Variants in HVCN1 observed in about 807,000 individuals in gnomAD.
HVCN1 encodes the protein voltage-gated hydrogen channel 1.
A neutral mutation model predicts 29.2 loss-of-function variants in HVCN1; 14 were observed. That is an observed-to-expected ratio of 0.48 (90% CI 0.32 to 0.75). The LOEUF is 0.75. Among genes scored for constraint, HVCN1 ranks in the 30% least tolerant of loss-of-function variants. The pLI, the probability that HVCN1 is intolerant of heterozygous loss-of-function variation, is 0.04. For missense variants in HVCN1, 263 were observed against 341.8 expected (o/e 0.77, Z 1.82); for synonymous variants, 131 against 133.2 (o/e 0.98, Z 0.11).
chr12:110,649,239 G>T lies in HVCN1; in HGVS notation c.*171C>A. 1 of 676,382 alleles carries T rather than the reference G, an allele frequency of 1.5e-6. No homozygotes were observed. The highest frequency in any genetic ancestry group is 2.7e-6 in the Non-Finnish European group (1 of 371,216). 41.9% of individuals were successfully genotyped at this position (676,382 alleles called of 1,614,324 possible). A position where few individuals can be genotyped will look rare whatever the true frequency, so the allele number is the denominator to read the frequency against. On this transcript the variant is annotated 3_prime_UTR_variant, in exon 8 of 8. Transcript: ENST00000242607. The stretch of plus-strand genomic sequence containing the variant: ...GGGAGTGGATGGGCAGCTCTTGGTG[G>T]TACTGGACCTTCCACAAGGCTGTGT...
At chr12:110,677,149 A>T (rs1179748023) in intron 3 of HVCN1, among the ~76,000 whole-genome samples, 1 of 151,976 alleles carries the variant, frequency 6.6e-6, no homozygotes, top group African/African-American at 2.4e-5. Context: ...AGGCTGCAGT[A>T]AGCTGTGATC....
intron 2 of HVCN1, among the ~76,000 whole-genome samples, chr12:110,685,873 G>C (rs892597109): frequency 9.9e-5 from 15 of 151,958 alleles, no homozygotes; most frequent in Middle Eastern, 3.2e-3. Context: ...TAGAAAGGGG[G>C]GTCTCACTAT....
intron 1 of HVCN1, among the ~76,000 whole-genome samples, chr12:110,704,599 C>T (rs987426409): frequency 3.3e-5 from 5 of 152,082 alleles, no homozygotes; most frequent in Non-Finnish European, 5.9e-5. Flanking sequence ...TGGAAGCTGC[C>T]GTGAACTATG....
upstream of HVCN1, chr12:110,689,529 TCCCA>T (rs2069352351): frequency 6.5e-6 from 1 of 153,028 alleles, no homozygotes; most frequent in South Asian, 2.1e-4. The surrounding 1 kb of genome is among the most constrained non-coding windows in gnomAD (Gnocchi z 5.7). Context: ...TTCTGCTCCA[TCCCA>T]CCGTCTCCGG....
intron 3 of HVCN1, among the ~76,000 whole-genome samples, chr12:110,679,796 T>C (rs11065692): frequency 0.32 from 48,123 of 149,432 alleles, 8,957 homozygotes; most frequent in East Asian, 0.53. Flanking sequence ...GAGCTTGCAG[T>C]GAGCCGAGAT....
At position 110,648,690 on chromosome 12, in the gene HVCN1, G is replaced by GC. The variant is rs1249992489; in HGVS notation, c.*719dup. The GC allele has an allele frequency of 1.9e-5, 4 of 215,990 alleles. No homozygotes were observed. The highest frequency in any genetic ancestry group is 3.7e-5 in the Non-Finnish European group (4 of 109,072). 13.4% of individuals were successfully genotyped at this position (215,990 alleles called of 1,614,324 possible). ...TTATAGTGGAGTCTTGGGTCTAATT[G>GC]CCATTTCTGCACCAGGCACTGTAGC... On this transcript the variant is annotated 3_prime_UTR_variant, in exon 8 of 8. Coordinates refer to ENST00000242607, the MANE Select transcript of HVCN1 (RefSeq NM_032369.4).
At chr12:110,654,471 C>CT (rs1199046571) in intron 5 of HVCN1, among the ~76,000 whole-genome samples, 18,286 of 112,516 alleles carry the variant, frequency 0.16, 2,055 homozygotes, top group Non-Finnish European at 0.23. Context: ...GGGGGAAATG[C>CT]TTTTTTTTTT....
rs2067628305 is a variant in HVCN1, at chr12:110,648,926, G to C, written c.*484C>G. The C allele has an allele frequency of 2.4e-6, 1 of 414,870 alleles. No individual in the cohort carries two copies. Among genetic ancestry groups the C allele is most frequent in the South Asian group, 1.8e-5 (1 of 56,868 alleles). The allele number at this position is 414,870 out of a possible 1,614,324, so 25.7% of individuals were successfully genotyped here. A position where few individuals can be genotyped will look rare whatever the true frequency, so the allele number is the denominator to read the frequency against. ...TGATGCAGCTGGGGCACACAGAGGA[G>C]GGGCCTGGGTACCCCTTTTGGGGAA... On this transcript the variant is annotated 3_prime_UTR_variant, in exon 8 of 8. Transcript: ENST00000242607.
chr12:110,683,375 C>T (rs2069057546), intron 2 of HVCN1, 111 bp from the exon 3 acceptor site: 1 of 1,320,650 alleles, frequency 7.6e-7, no homozygotes, highest in African/African-American at 1.5e-5. Context: ...TTAGTTTTAA[C>T]TGTGCCCGAA....
chr12:110,686,857 A>T (rs1397284096), intron 2 of HVCN1, among the ~76,000 whole-genome samples: 1 of 152,196 alleles, frequency 6.6e-6, no homozygotes, highest in Non-Finnish European at 1.5e-5. Flanking sequence ...TATCTCCAAG[A>T]AGCCATTTGA....
chr12:110,700,050 G>A (rs1039246015), intron 2 of HVCN1, among the ~76,000 whole-genome samples: 4 of 152,178 alleles, frequency 2.6e-5, no homozygotes, highest in African/African-American at 9.7e-5. Flanking sequence ...GACACGTGCC[G>A]GCCACCTCTC....
chr12:110,700,549 A>G (rs1337444333), intron 2 of HVCN1, among the ~76,000 whole-genome samples: 1 of 152,160 alleles, frequency 6.6e-6, no homozygotes, highest in Non-Finnish European at 1.5e-5. Flanking sequence ...TGGGGAGTTC[A>G]CTTTCTGTGA....
chr12:110,695,281 T>TAC (rs760184973), intron 2 of HVCN1, among the ~76,000 whole-genome samples: 18 of 151,702 alleles, frequency 1.2e-4, no homozygotes, highest in African/African-American at 2.9e-4. Context: ...CACATATATA[T>TAC]ACACACACAC....
At chr12:110,682,615 A>G (rs2069021224) in intron 3 of HVCN1, 1 of 155,944 alleles carries the variant, frequency 6.4e-6, no homozygotes, top group East Asian at 1.9e-4. Flanking sequence ...CCACTGTATT[A>G]TCAAATCTTC....
At chr12:110,666,710 T>G (rs1021909545) in intron 3 of HVCN1, among the ~76,000 whole-genome samples, 2 of 152,104 alleles carry the variant, frequency 1.3e-5, no homozygotes, top group African/African-American at 4.8e-5. Flanking sequence ...TGGAATACTC[T>G]TCTCCCCAAT....
chr12:110,693,244 T>A (rs1415119134), upstream of HVCN1, among the ~76,000 whole-genome samples: 1 of 152,070 alleles, frequency 6.6e-6, no homozygotes, highest in Non-Finnish European at 1.5e-5. Flanking sequence ...TACAGTTGCA[T>A]TACAAACGTC....
intron 2 of HVCN1, among the ~76,000 whole-genome samples, chr12:110,700,770 T>C (rs898249409): frequency 6.6e-6 from 1 of 152,156 alleles, no homozygotes; most frequent in Non-Finnish European, 1.5e-5. Flanking sequence ...CTTGGAGATA[T>C]TTATAATTGG....
chr12:110,679,235 T>C (rs889171142), intron 3 of HVCN1, among the ~76,000 whole-genome samples: 1 of 152,308 alleles, frequency 6.6e-6, no homozygotes, highest in Non-Finnish European at 1.5e-5. Flanking sequence ...CGGTGGTGGA[T>C]GTGCAGCCGA....
At chr12:110,684,618 A>T (rs550531186) in intron 2 of HVCN1, among the ~76,000 whole-genome samples, 26 of 152,182 alleles carry the variant, frequency 1.7e-4, no homozygotes, top group Non-Finnish European at 2.8e-4. Context: ...GTCCGTAAGG[A>T]TCACTCTTCG....
Sources: allele counts gnomAD v4.1 joint callset (sites outside exome capture counted in the v4.1 genomes callset), GRCh38; gene constraint gnomAD v4.1.1; non-coding constraint Gnocchi (gnomAD v3.1); transcripts MANE v1.5; gene names NCBI Gene and HGNC (gene_info 2026-07-23, HGNC 2026-07-21).